Variants in RASGEF1B observed in about 807,000 individuals in gnomAD.
RASGEF1B encodes the protein RasGEF domain family member 1B, also known as ras-GEF domain-containing family member 1B.
In RASGEF1B, 30 loss-of-function variants were observed where a neutral mutation model predicts 65.7. The observed-to-expected ratio is 0.46, with a 90% CI of 0.34 to 0.62. The LOEUF is 0.62. RASGEF1B is among the 20% of genes least tolerant of loss of function. The pLI, the probability that RASGEF1B is intolerant of heterozygous loss-of-function variation, is 0.01. For missense variants in RASGEF1B, 495 were observed against 580.1 expected (o/e 0.85, Z 1.51); for synonymous variants, 175 against 194.8 (o/e 0.90, Z 0.85).
chr4:81,467,570 G>A (rs1722883773), intron 1 of RASGEF1B, among the ~76,000 whole-genome samples: 1 of 152,134 alleles, frequency 6.6e-6, no homozygotes, highest in Non-Finnish European at 1.5e-5. Context: ...TTCCTAAACC[G>A]GACAGTAGAT....
intron 10 of RASGEF1B, among the ~76,000 whole-genome samples, chr4:81,438,613 T>TGCAGGTA (rs1721726725): frequency 6.6e-6 from 1 of 152,238 alleles, no homozygotes; most frequent in Non-Finnish European, 1.5e-5. Context: ...TGCAGGTTTC[T>TGCAGGTA]TACATAGGTA....
intron 3 of RASGEF1B, 35 bp from the exon 4 acceptor site, chr4:81,456,823 T>G: frequency 6.5e-7 from 1 of 1,540,686 alleles, no homozygotes. Flanking sequence ...TCAGTGATAT[T>G]TATCACTATG....
chr4:81,457,416 A>G, intron 3 of RASGEF1B, 83 bp downstream of exon 3: 1 of 1,408,462 alleles, frequency 7.1e-7, no homozygotes, highest in Non-Finnish European at 9.9e-7. Flanking sequence ...GGGATAAGCC[A>G]GGGTTACTTA....
chr4:81,430,346 A>G (rs1395667998), intron 13 of RASGEF1B, among the ~76,000 whole-genome samples: 2 of 152,174 alleles, frequency 1.3e-5, no homozygotes, highest in Non-Finnish European at 2.9e-5. Flanking sequence ...TTCCAAGCCT[A>G]TGTGCGACCC....
chr4:81,458,775 T>C (rs1056776129), intron 2 of RASGEF1B, among the ~76,000 whole-genome samples: 1 of 152,216 alleles, frequency 6.6e-6, no homozygotes, highest in South Asian at 2.1e-4. Flanking sequence ...TTGGAATTAC[T>C]GTAAAGACTG....
intron 13 of RASGEF1B, among the ~76,000 whole-genome samples, chr4:81,428,839 G>A (rs1362879773): frequency 6.6e-6 from 1 of 152,194 alleles, no homozygotes; most frequent in African/African-American, 2.4e-5. Flanking sequence ...GGAGGTCCTG[G>A]AACCAATCCC....
intron 1 of RASGEF1B, among the ~76,000 whole-genome samples, chr4:81,462,869 G>A (rs1161917417): frequency 6.6e-6 from 1 of 152,118 alleles, no homozygotes; most frequent in African/African-American, 2.4e-5. Context: ...TGCCTTCCTG[G>A]ATTCTACAAC....
intron 8 of RASGEF1B, among the ~76,000 whole-genome samples, chr4:81,444,778 A>G (rs145516234): frequency 2.1e-4 from 32 of 152,168 alleles, no homozygotes; most frequent in African/African-American, 7.2e-4. Flanking sequence ...TTTGTGATCC[A>G]CCCGCCTTGC....
intron 2 of RASGEF1B, 70 bp from the exon 3 acceptor site, chr4:81,457,691 T>A: frequency 6.5e-7 from 1 of 1,541,100 alleles, no homozygotes; most frequent in Admixed American, 1.8e-5. Flanking sequence ...TTATACTATG[T>A]CTTATTTCAT....
Position 81,434,282 on chromosome 4 carries a change from C to T in RASGEF1B, c.1201-319G>A, listed in dbSNP as rs1020710523. On this transcript the variant is annotated intron_variant, in intron 11 of 13. Transcript: ENST00000264400. The stretch of plus-strand genomic sequence containing the variant: ...CCCACGCTGGTTTCAAACTCCTAGC[C>T]TCAAGCAATCCTCCCATCTTGGCCT... 3.3e-5 allele frequency among the ~76,000 whole-genome samples: 5 copies of T among 152,104 alleles called. No homozygotes were observed. The South Asian group carries it at 1.0e-3, about 32-fold the overall frequency.
intron 6 of RASGEF1B, among the ~76,000 whole-genome samples, chr4:81,446,694 C>T (rs1372597114): frequency 6.6e-6 from 1 of 152,080 alleles, no homozygotes; most frequent in East Asian, 1.9e-4. Flanking sequence ...TGTTCAAAGG[C>T]AAAAAAGTTA....
intron 6 of RASGEF1B, among the ~76,000 whole-genome samples, chr4:81,446,437 AAC>A (rs1722026421): frequency 6.6e-6 from 1 of 152,186 alleles, no homozygotes; most frequent in African/African-American, 2.4e-5. Flanking sequence ...TATCTTCAGA[AAC>A]ACAATTCAGA....
At chr4:81,433,772 T>C (rs981363628) in intron 12 of RASGEF1B, 68 bp downstream of exon 12, 62 of 1,556,468 alleles carry the variant, frequency 4.0e-5, no homozygotes, top group Non-Finnish European at 5.3e-5. Flanking sequence ...TAACCAAGCA[T>C]TTCTATACTA....
In RASGEF1B at chr4:81,428,438, A is replaced by G. The variant is rs180728398; in HGVS notation, c.1398-646T>C. 4.9e-4 allele frequency among the ~76,000 whole-genome samples: 74 copies of G among 152,340 alleles called. 2 individuals carry two copies. The highest frequency in any genetic ancestry group is 4.4e-3 in the Admixed American group (68 of 15,302). On this transcript the variant is annotated intron_variant, in intron 13 of 13. Transcript: ENST00000264400. ...ATCAAAAATATTTGAAACAAAAAATATGGGTCTGTACTGAATATATACAGA... is the reference window on the plus strand; with the variant it reads ...ATCAAAAATATTTGAAACAAAAAATGTGGGTCTGTACTGAATATATACAGA...
intron 1 of RASGEF1B, among the ~76,000 whole-genome samples, chr4:81,466,240 T>C (rs1344697915): frequency 1.3e-5 from 2 of 152,158 alleles, no homozygotes; most frequent in Non-Finnish European, 2.9e-5. Context: ...ACTTGTTTCT[T>C]CCTTTTCTCC....
At chr4:81,459,737 C>T (rs1722577821) in intron 1 of RASGEF1B, among the ~76,000 whole-genome samples, 1 of 152,156 alleles carries the variant, frequency 6.6e-6, no homozygotes, top group South Asian at 2.1e-4. Context: ...AATCAAATAT[C>T]ATACAATGCT....
Position 81,445,745 on chromosome 4 carries a change from T to C in RASGEF1B, c.823A>G (p.Met275Val). The C allele has an allele frequency of 6.2e-7, 1 of 1,612,452 alleles. No individual in the cohort carries two copies. Among genetic ancestry groups the C allele is most frequent in the South Asian group, 1.1e-5 (1 of 90,986 alleles). The change falls in exon 7 of 14, where the codon ATG becomes GTG. Residue 275 changes from methionine to valine, a missense_variant and splice_region_variant. By Grantham distance (21) the Met-to-Val change is conservative. Coordinates refer to ENST00000264400, the MANE Select transcript of RASGEF1B (RefSeq NM_152545.3). ...LSYLVATEIC[M>V]PVKKKHRARM... ...AGACAGAAAATTCATTTCCTCACCA[T>C]ACAGATTTCTGTAGCAACCAAGTAG...
intron 10 of RASGEF1B, 118 bp downstream of exon 10, chr4:81,440,716 A>C: frequency 3.1e-6 from 2 of 648,500 alleles, no homozygotes; most frequent in South Asian, 4.2e-5. Context: ...TCTAGAGTAC[A>C]CATGTCTCTC....
chr4:81,443,366 T>C, intron 8 of RASGEF1B, among the ~76,000 whole-genome samples: 1 of 152,222 alleles, frequency 6.6e-6, no homozygotes, highest in Admixed American at 6.5e-5. Context: ...TAAGTCCATG[T>C]ATTACCACTC....
Sources: allele counts gnomAD v4.1 joint callset (sites outside exome capture counted in the v4.1 genomes callset), GRCh38; gene constraint gnomAD v4.1.1; transcripts MANE v1.5; gene names NCBI Gene and HGNC (gene_info 2026-07-23, HGNC 2026-07-21).